The following MTHFD1 variants were observed in gnomAD, a reference collection of about 807,000 sequenced individuals.
MTHFD1 encodes the protein C-1-tetrahydrofolate synthase, cytoplasmic.
Under a neutral mutation model 110.3 loss-of-function variants are expected in MTHFD1, and 44 were observed. The ratio of observed to expected loss-of-function variants is 0.40; its 90% CI spans 0.31 to 0.51. The LOEUF is 0.51. MTHFD1 is among the 20% of genes least tolerant of loss of function. The pLI, the probability that MTHFD1 is intolerant of heterozygous loss-of-function variation, is 0.60. For missense variants in MTHFD1, 909 were observed against 1,173.1 expected, an observed-to-expected ratio of 0.77 and a Z score of 3.29; for synonymous variants, 402 against 428.8, an observed-to-expected ratio of 0.94 and a Z score of 0.77.
intron 19 of MTHFD1, chr14:64,441,735 A>G (rs972602510): frequency 5.9e-5 from 32 of 540,514 alleles, no homozygotes; most frequent in East Asian, 3.4e-4. Flanking sequence ...CCTGGGAGGC[A>G]GAGCTTGCAG....
chr14:64,439,291 T>C, intron 17 of MTHFD1, 119 bp downstream of exon 17: 3 of 789,946 alleles, frequency 3.8e-6, no homozygotes, highest in African/African-American at 1.7e-5. Flanking sequence ...GCCTTCTCCC[T>C]TTTAAAATGG....
At chr14:64,404,285 G>A (rs1205190655) in intron 2 of MTHFD1, among the ~76,000 whole-genome samples, 1 of 152,182 alleles carries the variant, frequency 6.6e-6, no homozygotes, top group Non-Finnish European at 1.5e-5. Context: ...TCCTTTGCTT[G>A]TTGTTGCTCA....
intron 18 of MTHFD1, 163 bp downstream of exon 18, chr14:64,440,429 T>A: frequency 1.1e-6 from 1 of 871,786 alleles, no homozygotes; most frequent in Non-Finnish European, 1.9e-6. Context: ...ATGAAATGTT[T>A]AAAAAGTACA....
At chr14:64,450,903 C>A (rs977764632) in intron 24 of MTHFD1, among the ~76,000 whole-genome samples, 1 of 152,104 alleles carries the variant, frequency 6.6e-6, no homozygotes, top group Admixed American at 6.5e-5. Flanking sequence ...CACAGTGGCT[C>A]ACCCCTGTAA....
chr14:64,425,932 T>G, intron 10 of MTHFD1, 87 bp from the exon 11 acceptor site: 1 of 1,579,226 alleles, frequency 6.3e-7, no homozygotes, highest in East Asian at 2.2e-5. Flanking sequence ...CTTCAGTGGT[T>G]GGGGTTGGGT....
chr14:64,443,998 T>G (rs1008022414), intron 21 of MTHFD1, among the ~76,000 whole-genome samples: 3 of 152,000 alleles, frequency 2.0e-5, no homozygotes, highest in African/African-American at 7.2e-5. Context: ...GGGCAGAGCT[T>G]CTTAATCACT....
At chr14:64,441,994 G>A (rs979140128) in intron 19 of MTHFD1, 60 bp from the exon 20 acceptor site, 133 of 1,085,548 alleles carry the variant, frequency 1.2e-4, no homozygotes, top group Non-Finnish European at 1.8e-4. Context: ...ACCGTTGAAT[G>A]TGTGATCCCA....
At chr14:64,452,736 GTGGCATC>G (rs775094948) in intron 24 of MTHFD1, among the ~76,000 whole-genome samples, 1 of 152,174 alleles carries the variant, frequency 6.6e-6, no homozygotes, top group Non-Finnish European at 1.5e-5. Flanking sequence ...TGTGTTAAGG[GTGGCATC>G]TGCCTCTCAT....
At chr14:64,393,826 G>A (rs918393374) in intron 1 of MTHFD1, among the ~76,000 whole-genome samples, 1 of 152,264 alleles carries the variant, frequency 6.6e-6, no homozygotes, top group South Asian at 2.1e-4. Context: ...AGGGTCCTTG[G>A]AGTGGAAGCA....
chr14:64,448,087 CTT>C, intron 22 of MTHFD1, 128 bp from the exon 23 acceptor site: 1 of 728,496 alleles, frequency 1.4e-6, no homozygotes, highest in Non-Finnish European at 2.5e-6. Context: ...GACCTTCTCT[CTT>C]CTTTCTTGGC....
chr14:64,407,106 G>A (rs774477409), intron 2 of MTHFD1, among the ~76,000 whole-genome samples: 23 of 152,018 alleles, frequency 1.5e-4, no homozygotes, highest in Non-Finnish European at 2.5e-4. Context: ...TTTTAATAAA[G>A]TGGATGAGTA....
chr14:64,416,792 C>T (rs567955631), intron 6 of MTHFD1, among the ~76,000 whole-genome samples: 3 of 152,222 alleles, frequency 2.0e-5, no homozygotes, highest in South Asian at 2.1e-4. Flanking sequence ...AAAAATCCCA[C>T]GAGGACAGCA....
intron 1 of MTHFD1, among the ~76,000 whole-genome samples, chr14:64,394,760 C>A (rs1410574484): frequency 6.6e-6 from 1 of 152,112 alleles, no homozygotes; most frequent in Non-Finnish European, 1.5e-5. Flanking sequence ...TAGTAAGCAG[C>A]CTTTTAGACC....
chr14:64,446,789 G>A (rs1057371931), intron 22 of MTHFD1, among the ~76,000 whole-genome samples: 5 of 152,066 alleles, frequency 3.3e-5, no homozygotes, highest in Non-Finnish European at 7.4e-5. Flanking sequence ...TGTTCCACCC[G>A]CCTCGGCCTC....
chr14:64,439,319 G>A lies in MTHFD1; in HGVS notation c.1674+147G>A. On this transcript the variant is annotated intron_variant, in intron 17 of 27. Coordinates refer to ENST00000652337, the MANE Select transcript of MTHFD1 (RefSeq NM_005956.4). ...TAAAATGGAAGTGAGTAGGTGTGTG[G>A]CATTGAGCACTCCTGACAGCTTTTG... 6 of 705,690 alleles carry A rather than the reference G, an allele frequency of 8.5e-6. No homozygotes were observed. The South Asian group carries it at 9.2e-5, about 11-fold the overall frequency. The allele number at this position is 705,690 out of a possible 1,614,324, so 43.7% of individuals were successfully genotyped here.
At chr14:64,455,754 G>C (rs140983538) in intron 26 of MTHFD1, among the ~76,000 whole-genome samples, 1 of 152,298 alleles carries the variant, frequency 6.6e-6, no homozygotes, top group East Asian at 1.9e-4. Flanking sequence ...TAGGACATTA[G>C]AGCTGAATTC....
In MTHFD1 at chr14:64,427,328, G is replaced by A. The variant is rs201730211; in HGVS notation, c.1128-9G>A. ...TTAAACCTTTTTCTCTTTTGCTTTC[G>A]TCTTGAAGAATAACTCCAACACCCC... On this transcript the variant is annotated splice_polypyrimidine_tract_variant and intron_variant, in intron 11 of 27. Transcript: ENST00000652337. The A allele has an allele frequency of 6.1e-4, 988 of 1,613,946 alleles. No homozygotes were observed. The highest frequency in any genetic ancestry group is 7.8e-4 in the Non-Finnish European group (925 of 1,179,988).
intron 1 of MTHFD1, among the ~76,000 whole-genome samples, chr14:64,391,469 G>T (rs2077804817): frequency 6.6e-6 from 1 of 152,082 alleles, no homozygotes. Flanking sequence ...CCCCGCTGGC[G>T]CTTTGCTTTT....
intron 18 of MTHFD1, 197 bp downstream of exon 18, chr14:64,440,463 G>A (rs1177550261): frequency 1.5e-6 from 1 of 685,970 alleles, no homozygotes; most frequent in South Asian, 1.6e-5. Context: ...TAGCTGGTAT[G>A]CTTTAGTAAT....
Sources: allele counts gnomAD v4.1 joint callset (sites outside exome capture counted in the v4.1 genomes callset), GRCh38; gene constraint gnomAD v4.1.1; transcripts MANE v1.5; gene names NCBI Gene and HGNC (gene_info 2026-07-23, HGNC 2026-07-21).